Variants in ATM observed in about 807,000 individuals in gnomAD.
ATM encodes the protein ATM serine/threonine kinase.
Under a neutral mutation model 387.0 loss-of-function variants are expected in ATM, and 308 were observed. The observed-to-expected ratio is 0.80, with a 90% CI of 0.73 to 0.87. ATM has a LOEUF of 0.87. Ranked by LOEUF, ATM falls within the 40% of genes least tolerant of loss-of-function variation. The pLI is 0.00. For synonymous variants in ATM, 1,156 were observed against 1,187.3 expected (o/e 0.97, Z 0.54); for missense variants, 3,312 against 3,560.9 (o/e 0.93, Z 1.78).
intron 8 of ATM, among the ~76,000 whole-genome samples, chr11:108,248,089 A>G (rs768269244): frequency 9.9e-5 from 15 of 152,246 alleles, no homozygotes; most frequent in Middle Eastern, 3.4e-3. Context: ...CACTAAGCAT[A>G]ATGTTTTCAA....
chr11:108,299,517 G>A (rs1319481045), intron 33 of ATM, 197 bp from the exon 34 acceptor site: 6 of 487,962 alleles, frequency 1.2e-5, no homozygotes, highest in South Asian at 2.0e-5. Context: ...GGCTGGTCTC[G>A]AACTCCTGAC....
chr11:108,346,576 T>G (rs2088435928), intron 58 of ATM: 2 of 152,472 alleles, frequency 1.3e-5, no homozygotes, highest in Admixed American at 1.3e-4. Context: ...GCATGTATGT[T>G]TTGAAAGAGT....
intron 16 of ATM, among the ~76,000 whole-genome samples, chr11:108,263,703 G>A (rs2081047078): frequency 6.8e-6 from 1 of 147,718 alleles, no homozygotes; most frequent in Non-Finnish European, 1.5e-5. Flanking sequence ...CTGGTTTTTT[G>A]AAAGGATCAA....
At chr11:108,233,714 G>A (rs142940472) in intron 4 of ATM, among the ~76,000 whole-genome samples, 2 of 152,032 alleles carry the variant, frequency 1.3e-5, no homozygotes, top group African/African-American at 4.8e-5. Context: ...GAGTGTAGTG[G>A]TGCTTGCCTG....
At chr11:108,262,881 CAAAG>C (rs1193844516) in intron 16 of ATM, among the ~76,000 whole-genome samples, 5 of 147,520 alleles carry the variant, frequency 3.4e-5, no homozygotes, top group African/African-American at 7.4e-5. Flanking sequence ...TCAAAAGAGA[CAAAG>C]AAGGCCATTA....
At chr11:108,257,457 C>A in intron 14 of ATM, 24 bp from the exon 15 acceptor site, 2 of 1,609,720 alleles carry the variant, frequency 1.2e-6, no homozygotes, top group Non-Finnish European at 1.7e-6. Flanking sequence ...CTGGAATTTG[C>A]ATTTTTCCTT....
At chr11:108,309,842 T>C (rs2083994519) in intron 38 of ATM, among the ~76,000 whole-genome samples, 1 of 152,168 alleles carries the variant, frequency 6.6e-6, no homozygotes, top group Admixed American at 6.5e-5. Context: ...TGTATCCTAT[T>C]CTTAGTCTGT....
chr11:108,293,574 TC>T (rs892225244), intron 31 of ATM, 97 bp downstream of exon 31: 2 of 1,123,700 alleles, frequency 1.8e-6, no homozygotes, highest in African/African-American at 3.1e-5. Flanking sequence ...TGGAATCTTT[TC>T]TTTAATTGTG....
intron 45 of ATM, among the ~76,000 whole-genome samples, chr11:108,322,886 G>C (rs574863668): frequency 1.9e-4 from 29 of 151,410 alleles, no homozygotes; most frequent in African/African-American, 5.3e-4. Flanking sequence ...CTTGCTACTA[G>C]ATAAAAGAAG....
At chr11:108,344,777 G>A (rs1403577926) in intron 57 of ATM, among the ~76,000 whole-genome samples, 1 of 152,164 alleles carries the variant, frequency 6.6e-6, no homozygotes, top group African/African-American at 2.4e-5. Context: ...ACCAAGGCAG[G>A]AGGATTGCTT....
chr11:108,340,187 T>C (rs2087367083), intron 56 of ATM: 1 of 152,214 alleles, frequency 6.6e-6, no homozygotes, highest in African/African-American at 2.4e-5. Context: ...ATGGAAAATT[T>C]CAAACATACA....
chr11:108,302,856 T>G lies in ATM; in HGVS notation c.5323T>G (p.Leu1775Val), dbSNP rs768820804. Residue 1775 changes from leucine to valine, a missense_variant, in exon 36 of 63, where the codon TTA becomes GTA. Coordinates refer to ENST00000675843, the MANE Select transcript of ATM (RefSeq NM_000051.4). ...TTTCTAATCCCTTTCTTTCTAGTTT[T>G]TAGAAGTACCCAGATTTGACAAAGA... is the stretch of plus-strand genomic sequence containing the variant. ...QPFRTSRKKF[L>V]EVPRFDKENP... The G allele has an allele frequency of 1.4e-5, 22 of 1,611,266 alleles. No homozygotes were observed. The highest frequency in any genetic ancestry group is 1.8e-5 in the Non-Finnish European group (21 of 1,177,862).
intron 9 of ATM, among the ~76,000 whole-genome samples, chr11:108,250,304 C>T (rs2080064611): frequency 6.6e-6 from 1 of 152,056 alleles, no homozygotes; most frequent in African/African-American, 2.4e-5. Flanking sequence ...AGGCATGTGC[C>T]ACCATGCCCG....
chr11:108,345,981 C>T (rs2137045066), intron 58 of ATM, 73 bp downstream of exon 58: 1 of 1,557,422 alleles, frequency 6.4e-7, no homozygotes, highest in South Asian at 1.1e-5. Context: ...TGATTCAGCA[C>T]TTTTTCTACA....
chr11:108,314,454 A>AT lies in ATM; in HGVS notation c.6007-1356dup, dbSNP rs10716099. On this transcript the variant is annotated intron_variant, in intron 40 of 62. Coordinates refer to ENST00000675843, the MANE Select transcript of ATM (RefSeq NM_000051.4). ...AAGATTGTTTGGTTTTGTTTGTGTGATTTTTTTTTTTTTATGTGATATAAG... is the reference window on the plus strand; with the variant it reads ...AAGATTGTTTGGTTTTGTTTGTGTGATTTTTTTTTTTTTTATGTGATATAAG... Among the ~76,000 whole-genome samples, 1,442 of 148,514 alleles carry AT rather than the reference A, an allele frequency of 9.7e-3. 11 individuals are homozygous for AT. Among genetic ancestry groups the AT allele is most frequent in the African/African-American group, 0.018 (728 of 40,358 alleles).
chr11:108,357,229 T>A (rs915009580), intron 61 of ATM, among the ~76,000 whole-genome samples: 11 of 152,244 alleles, frequency 7.2e-5, no homozygotes, highest in Middle Eastern at 3.4e-3. Flanking sequence ...ATATTGCGCT[T>A]TTTGGACCGG....
chr11:108,310,368 A>G, intron 39 of ATM, 53 bp downstream of exon 39: 1 of 1,513,928 alleles, frequency 6.6e-7, no homozygotes. Flanking sequence ...CATTGTCTCA[A>G]TAAGGGTATA....
At chr11:108,276,651 G>C (rs1048419458) in intron 22 of ATM, among the ~76,000 whole-genome samples, 1 of 152,150 alleles carries the variant, frequency 6.6e-6, no homozygotes, top group East Asian at 1.9e-4. Context: ...GTTTGCTGGA[G>C]GTCCACTCCA....
rs1349871278 is a variant in ATM, at chr11:108,299,601, G to C, written c.5006-113G>C. On this transcript the variant is annotated intron_variant, in intron 33 of 62. Transcript: ENST00000675843. ...CGTGAGCCACCGCACTCGGCCTTAAGGTTAATTCTTGAAGTACAGAAAAAC... is the reference window on the plus strand; with the variant it reads ...CGTGAGCCACCGCACTCGGCCTTAACGTTAATTCTTGAAGTACAGAAAAAC... 6.2e-6 allele frequency: 7 copies of C among 1,134,994 alleles called. No individual in the cohort carries two copies. In the African/African-American group the frequency reaches 1.1e-4, roughly 17 times the overall value. The allele number at this position is 1,134,994 out of a possible 1,614,324, so 70.3% of individuals were successfully genotyped here. A position where few individuals can be genotyped will look rare whatever the true frequency, so the allele number is the denominator to read the frequency against.
Sources: allele counts gnomAD v4.1 joint callset (sites outside exome capture counted in the v4.1 genomes callset), GRCh38; gene constraint gnomAD v4.1.1; transcripts MANE v1.5; gene names NCBI Gene and HGNC (gene_info 2026-07-23, HGNC 2026-07-21).